Variants in LAMA1 observed in about 807,000 individuals in gnomAD.
LAMA1 encodes the protein laminin subunit alpha 1, also known as laminin subunit alpha-1.
Under a neutral mutation model 348.7 loss-of-function variants are expected in LAMA1, and 219 were observed. That is an observed-to-expected ratio of 0.63 (90% CI 0.56 to 0.70). The LOEUF is 0.70. Among genes scored for constraint, LAMA1 ranks in the 30% least tolerant of loss-of-function variants. The pLI, the probability that LAMA1 is intolerant of heterozygous loss-of-function variation, is 0.00. For synonymous variants in LAMA1, 1,487 were observed against 1,491.0 expected (o/e 1.00, Z 0.06); for missense variants, 3,744 against 3,888.0 (o/e 0.96, Z 0.99).
intron 30 of LAMA1, 81 bp downstream of exon 30, chr18:7,002,183 C>A (rs2057810514): frequency 1.3e-6 from 2 of 1,568,662 alleles, no homozygotes; most frequent in Non-Finnish European, 1.7e-6. Context: ...CAACAGACCA[C>A]TCAGAGACCC....
chr18:7,093,056 T>C (rs192766042), intron 1 of LAMA1, among the ~76,000 whole-genome samples: 179 of 152,302 alleles, frequency 1.2e-3, no homozygotes, highest in African/African-American at 4.2e-3. Flanking sequence ...AACTGGGTTT[T>C]CCATGCTGTG....
intron 7 of LAMA1, 62 bp from the exon 8 acceptor site, chr18:7,043,467 C>A: frequency 7.6e-7 from 1 of 1,312,012 alleles, no homozygotes; most frequent in Non-Finnish European, 1.1e-6. Context: ...AAAGAAAACT[C>A]TTAACCTCCC....
chr18:7,042,507 T>A, intron 8 of LAMA1: 1 of 412,748 alleles, frequency 2.4e-6, no homozygotes, highest in Non-Finnish European at 4.6e-6. Flanking sequence ...CCAGCCCCCC[T>A]CGCGCTGCTG....
chr18:7,014,743 T>C (rs1568031485), intron 22 of LAMA1, among the ~76,000 whole-genome samples: 1 of 152,216 alleles, frequency 6.6e-6, no homozygotes, highest in Non-Finnish European at 1.5e-5. Flanking sequence ...CCTCATGGTT[T>C]GGACATAAAC....
At chr18:7,041,432 A>G (rs904446796) in intron 9 of LAMA1, among the ~76,000 whole-genome samples, 1 of 152,162 alleles carries the variant, frequency 6.6e-6, no homozygotes, top group African/African-American at 2.4e-5. Flanking sequence ...GTAAGAATCA[A>G]TTCAGTTGGG....
intron 36 of LAMA1, among the ~76,000 whole-genome samples, chr18:6,989,294 C>A (rs1470685374): frequency 6.6e-6 from 1 of 152,122 alleles, no homozygotes; most frequent in Non-Finnish European, 1.5e-5. Flanking sequence ...TCTGGCTGGA[C>A]TTCCTTAATA....
chr18:7,111,749 G>C (rs962321283), intron 1 of LAMA1, among the ~76,000 whole-genome samples: 1 of 152,196 alleles, frequency 6.6e-6, no homozygotes, highest in Non-Finnish European at 1.5e-5. Flanking sequence ...TTGCAAACTT[G>C]TAAGTAACTA....
At chr18:7,041,644 G>A (rs1208155724) in intron 9 of LAMA1, among the ~76,000 whole-genome samples, 1 of 152,194 alleles carries the variant, frequency 6.6e-6, no homozygotes, top group Non-Finnish European at 1.5e-5. Context: ...GTTAATGGGA[G>A]GACTTGCTTG....
intron 22 of LAMA1, among the ~76,000 whole-genome samples, chr18:7,014,569 CTTTGAGGATACAGT>C (rs1375212750): frequency 2.8e-4 from 11 of 39,552 alleles, no homozygotes; most frequent in East Asian, 1.4e-3. Context: ...ATACAGTGAG[CTTTGAGGATACAGT>C]GAGCTTTGAT....
intron 59 of LAMA1, 30 bp downstream of exon 59, chr18:6,949,071 T>A: frequency 6.2e-7 from 1 of 1,613,888 alleles, no homozygotes; most frequent in South Asian, 1.1e-5. Flanking sequence ...ACAACGAAGG[T>A]AAAATGTCAG....
At chr18:7,008,898 G>A (rs1484899349) in intron 27 of LAMA1, among the ~76,000 whole-genome samples, 1 of 152,190 alleles carries the variant, frequency 6.6e-6, no homozygotes, top group African/African-American at 2.4e-5. Context: ...GCTAAAGTAT[G>A]AGATGAGTAG....
In LAMA1 at chr18:6,949,987, G is replaced by A. The variant is rs149057047; in HGVS notation, c.8398-728C>T. On this transcript the variant is annotated intron_variant, in intron 58 of 62. Transcript: ENST00000389658. ...CTTAGGAATCACGTAGCCAATAGTC[G>A]TTAAGTGTTATACCTTCTCCAATTG... Among the ~76,000 whole-genome samples the A allele has an allele frequency of 2.1e-4, 32 of 152,186 alleles. No homozygotes were observed. The East Asian group carries it at 3.9e-3, about 18-fold the overall frequency.
intron 36 of LAMA1, among the ~76,000 whole-genome samples, chr18:6,991,996 T>A (rs1030279720): frequency 6.6e-6 from 1 of 152,200 alleles, no homozygotes; most frequent in Non-Finnish European, 1.5e-5. Context: ...AGAGACAGCC[T>A]GTGCTAGTAT....
chr18:7,062,978 C>A (rs781564293), intron 3 of LAMA1, among the ~76,000 whole-genome samples: 1 of 152,112 alleles, frequency 6.6e-6, no homozygotes, highest in Non-Finnish European at 1.5e-5. Flanking sequence ...TAAAAGGGGC[C>A]CTTAATCATT....
chr18:7,002,083 G>C (rs10163962), intron 30 of LAMA1, among the ~76,000 whole-genome samples, 181 bp downstream of exon 30: 10,296 of 152,206 alleles, frequency 0.068, 400 homozygotes, highest in East Asian at 0.091. Context: ...CAGATACTTT[G>C]CTTTTGAAAA....
At chr18:7,064,041 C>T (rs1316310869) in intron 3 of LAMA1, among the ~76,000 whole-genome samples, 1 of 152,088 alleles carries the variant, frequency 6.6e-6, no homozygotes, top group East Asian at 1.9e-4. Context: ...GCTCCCCCTG[C>T]TGATGTCTAG....
At chr18:6,950,357 A>G (rs1348664107) in intron 58 of LAMA1, among the ~76,000 whole-genome samples, 5 of 152,350 alleles carry the variant, frequency 3.3e-5, no homozygotes, top group Admixed American at 2.0e-4. Context: ...TGCCACTCTT[A>G]GTGCATTTGC....
At chr18:7,036,512 AG>A (rs2057995399) in intron 12 of LAMA1, among the ~76,000 whole-genome samples, 4 of 152,198 alleles carry the variant, frequency 2.6e-5, no homozygotes, top group African/African-American at 9.6e-5. Flanking sequence ...AGTTAGAGAA[AG>A]GACTAAAGGT....
In LAMA1 at chr18:6,999,421, C is replaced by T. The variant is rs186041789; in HGVS notation, c.4663+24G>A. ...CATTTGGGAGGAAAAACCATCTTTA[C>T]ACATTTAGAGGAGAAATACTCACAA... On this transcript the variant is annotated intron_variant, in intron 32 of 62. Transcript: ENST00000389658. 1.1e-4 allele frequency: 172 copies of T among 1,613,542 alleles called. 1 individual carries two copies. In the African/African-American group the frequency reaches 1.8e-3, roughly 17 times the overall value.
Sources: gnomAD v4.1 joint callset for allele counts (sites outside exome capture counted in the v4.1 genomes callset) on GRCh38, gnomAD v4.1.1 for gene constraint, MANE v1.5 for transcripts, NCBI Gene and HGNC (gene_info 2026-07-23, HGNC 2026-07-21) for gene names.